USH1C: variants seen among roughly 807,000 people sequenced by gnomAD.
The protein encoded by USH1C is USH1 protein network component harmonin.
In USH1C, 90 loss-of-function variants were observed where a neutral mutation model predicts 119.3. The observed-to-expected ratio is 0.75, with a 90% CI of 0.64 to 0.90. The LOEUF (loss-of-function observed/expected upper bound fraction) is 0.90, where lower values mean the gene tolerates loss of function less well. Among genes scored for constraint, USH1C ranks in the 40% least tolerant of loss-of-function variants. USH1C has a pLI of 0.00. For missense variants in USH1C, 1,165 were observed against 1,167.7 expected, an observed-to-expected ratio of 1.00 and a Z score of 0.03; for synonymous variants, 465 against 443.3, an observed-to-expected ratio of 1.05 and a Z score of -0.62.
intron 4 of USH1C, among the ~76,000 whole-genome samples, chr11:17,527,915 G>A (rs111707101): frequency 2.6e-5 from 4 of 151,952 alleles, no homozygotes; most frequent in Admixed American, 2.0e-4. Flanking sequence ...ACTCTGCTGT[G>A]GCCCTGACCT....
intron 4 of USH1C, among the ~76,000 whole-genome samples, chr11:17,528,865 C>A (rs1298154305): frequency 6.6e-6 from 1 of 152,254 alleles, no homozygotes; most frequent in Non-Finnish European, 1.5e-5. Context: ...GGACAGCGGC[C>A]AGACTAACTC....
Position 17,495,630 on chromosome 11 carries a change from T to C in USH1C, c.2594A>G (p.Lys865Arg), listed in dbSNP as rs372329536. 7.4e-6 allele frequency: 12 copies of C among 1,614,186 alleles called. No individual in the cohort carries two copies. The highest frequency in any genetic ancestry group is 1.0e-5 in the Non-Finnish European group (12 of 1,180,032). ...CACGGCAGCACGGTCTTCAAGGAGC[T>C]TTCGGACCGGTTGGGGGCTTTCAGC... ...SVAESPQPVR[K>R]LLEDRAAVHR... Residue 865 changes from lysine (K) to arginine (R), a missense_variant, in exon 26 of 27, where the codon AAG becomes AGG. Lys to Arg is a conservative substitution (Grantham distance 26). Transcript: ENST00000005226.
At chr11:17,506,990 G>T (rs145645622) in intron 18 of USH1C, among the ~76,000 whole-genome samples, 220 of 152,336 alleles carry the variant, frequency 1.4e-3, no homozygotes, top group Middle Eastern at 6.8e-3. Flanking sequence ...ATAGTATGGT[G>T]AGAACATGGG....
At chr11:17,538,301 C>G (rs1238466303) in intron 1 of USH1C, among the ~76,000 whole-genome samples, 2 of 152,168 alleles carry the variant, frequency 1.3e-5, no homozygotes, top group Non-Finnish European at 2.9e-5. Flanking sequence ...CATCTCCACC[C>G]TCACAATCTT....
At chr11:17,542,471 C>A (rs1177333202) in intron 1 of USH1C, among the ~76,000 whole-genome samples, 2 of 152,224 alleles carry the variant, frequency 1.3e-5, no homozygotes, top group Non-Finnish European at 1.5e-5. Context: ...GCCCTGCCTG[C>A]ACACAGGGAT....
At chr11:17,507,364 C>T (rs940335612) in intron 18 of USH1C, among the ~76,000 whole-genome samples, 1 of 152,198 alleles carries the variant, frequency 6.6e-6, no homozygotes, top group Non-Finnish European at 1.5e-5. Flanking sequence ...TTAACCTTCC[C>T]TGGGCTCTGA....
At chr11:17,503,192 G>C (rs1372208050) in intron 20 of USH1C, among the ~76,000 whole-genome samples, 1 of 152,242 alleles carries the variant, frequency 6.6e-6, no homozygotes, top group Non-Finnish European at 1.5e-5. Flanking sequence ...GCAGCAGACA[G>C]AGGAGGGGGT....
intron 20 of USH1C, among the ~76,000 whole-genome samples, chr11:17,502,835 C>T (rs2133791916): frequency 6.6e-6 from 1 of 152,266 alleles, no homozygotes; most frequent in East Asian, 1.9e-4. Flanking sequence ...GGATGCTAAG[C>T]ACAAGGGCAG....
chr11:17,504,840 C>T, intron 19 of USH1C, 143 bp from the exon 20 acceptor site: 1 of 761,730 alleles, frequency 1.3e-6, no homozygotes. Context: ...CGTTAAAGGC[C>T]TGCTCAATGC....
rs1849799061 is a variant in USH1C at position 17,509,726 on chromosome 11, A to G, written c.1643T>C (p.Leu548Ser). 1.9e-6 allele frequency: 3 copies of G among 1,601,736 alleles called. No individual in the cohort carries two copies. Among genetic ancestry groups the G allele is most frequent in the African/African-American group, 1.3e-5 (1 of 74,718 alleles). The change falls in exon 18 of 27, where the codon TTG (leucine) becomes TCG (serine). Residue 548 changes from leucine to serine, a missense_variant. Leu to Ser is a moderately radical substitution (Grantham distance 145, BLOSUM62 -2). Transcript: ENST00000005226. ...LHTTDLDDIP[L>S]DMFYYPPKTP... ...CTTGGGGGGATAGTAGAACATGTCC[A>G]AAGGGATGTCGTCCAGGTCAGTGGT...
chr11:17,515,410 C>T (rs1175612890), intron 15 of USH1C, among the ~76,000 whole-genome samples: 2 of 152,138 alleles, frequency 1.3e-5, no homozygotes, highest in African/African-American at 2.4e-5. Flanking sequence ...GTTAATATTC[C>T]CATTTTACAG....
intron 18 of USH1C, among the ~76,000 whole-genome samples, chr11:17,506,284 CT>C (rs1416147881): frequency 6.6e-6 from 1 of 152,194 alleles, no homozygotes; most frequent in Non-Finnish European, 1.5e-5. Flanking sequence ...TCCAGTGTCC[CT>C]TGTCTTTAAG....
Position 17,531,598 on chromosome 11 carries a change from C to T in USH1C, c.105-56G>A. The T allele has an allele frequency of 3.1e-6, 5 of 1,601,518 alleles. No homozygotes were observed. In the South Asian group the frequency reaches 3.3e-5, roughly 11 times the overall value. ...CACCCCTGGCCATGACCTCAGGCACCCAGGGATTCCAAGAGGAAGCCATTT... is the reference window on the plus strand; with the variant it reads ...CACCCCTGGCCATGACCTCAGGCACTCAGGGATTCCAAGAGGAAGCCATTT... On this transcript the variant is annotated intron_variant, in intron 2 of 26. Transcript: ENST00000005226. The surrounding 1 kb of genome is among the most constrained non-coding windows in gnomAD (Gnocchi z 4.2).
intron 23 of USH1C, among the ~76,000 whole-genome samples, chr11:17,500,826 C>T (rs1233600744): frequency 2.0e-5 from 3 of 152,170 alleles, no homozygotes; most frequent in Admixed American, 6.5e-5. Flanking sequence ...GGCTGGGGAC[C>T]CCCTGAGGGC....
At chr11:17,513,299 T>G (rs1396163222) in intron 15 of USH1C, among the ~76,000 whole-genome samples, 1 of 152,090 alleles carries the variant, frequency 6.6e-6, no homozygotes, top group Non-Finnish European at 1.5e-5. Flanking sequence ...CTGGGCAATT[T>G]CTGGGGCAAG....
At chr11:17,494,420 G>C in intron 26 of USH1C, 44 bp from the exon 27 acceptor site, 1 of 1,570,040 alleles carries the variant, frequency 6.4e-7, no homozygotes, top group Non-Finnish European at 8.7e-7. Flanking sequence ...AGGCTTTGTG[G>C]GTGCACACTC....
chr11:17,521,457 A>G, intron 12 of USH1C, 46 bp from the exon 13 acceptor site: 1 of 1,578,896 alleles, frequency 6.3e-7, no homozygotes. Flanking sequence ...ATGCAAGAGA[A>G]ATGAACTCTT....
chr11:17,521,125 C>T (rs1389868487), intron 13 of USH1C, 131 bp from the exon 14 acceptor site: 2 of 1,319,244 alleles, frequency 1.5e-6, no homozygotes, highest in East Asian at 2.3e-5. Flanking sequence ...AGCAAAGTCC[C>T]CGAGCTTGTA....
chr11:17,497,157 C>T (rs1849278187), intron 24 of USH1C, among the ~76,000 whole-genome samples: 1 of 152,150 alleles, frequency 6.6e-6, no homozygotes. Context: ...AGGGTGAGTC[C>T]TGGGAAATAG....
Sources: gnomAD v4.1 joint callset for allele counts (sites outside exome capture counted in the v4.1 genomes callset) on GRCh38, gnomAD v4.1.1 for gene constraint, Gnocchi (gnomAD v3.1) non-coding constraint, MANE v1.5 for transcripts, NCBI Gene and HGNC (gene_info 2026-07-23, HGNC 2026-07-21) for gene names.